The following ST7 variants were observed in gnomAD, a reference collection of about 807,000 sequenced individuals.
ST7 encodes the protein suppression of tumorigenicity 7.
A neutral mutation model predicts 78.7 loss-of-function variants in ST7; 28 were observed. That is an observed-to-expected ratio of 0.36 (90% CI 0.26 to 0.49). The LOEUF is 0.49. Among genes scored for constraint, ST7 ranks in the 20% least tolerant of loss-of-function variants. ST7 has a pLI of 0.99. For missense variants in ST7, 418 were observed against 696.0 expected, an observed-to-expected ratio of 0.60 and a Z score of 4.49; for synonymous variants, 247 against 249.6, an observed-to-expected ratio of 0.99 and a Z score of 0.10.
chr7:117,123,883 T>G (rs964634496), intron 3 of ST7, among the ~76,000 whole-genome samples: 7 of 152,128 alleles, frequency 4.6e-5, no homozygotes, highest in African/African-American at 1.7e-4. Flanking sequence ...AAGTTTAAAT[T>G]CTCTGAGATA....
chr7:117,197,863 C>T (rs1442820156), intron 12 of ST7, among the ~76,000 whole-genome samples: 2 of 152,102 alleles, frequency 1.3e-5, no homozygotes, highest in African/African-American at 2.4e-5. Flanking sequence ...GCAGGAAGAT[C>T]GCTTGAGTCT....
At chr7:117,130,699 C>A in intron 5 of ST7, 93 bp downstream of exon 5, 1 of 801,678 alleles carries the variant, frequency 1.2e-6, no homozygotes, top group Non-Finnish European at 2.0e-6. Flanking sequence ...TGTAAAACTC[C>A]AATGAATAAA....
chr7:117,209,790 C>T lies in ST7; in HGVS notation c.1258C>T (p.Leu420=). ...VEFNPHVPKY[L]LEMKSLILPP... ...GTGTCCTGCTTTTTTATTTCAGTAC[C>T]TACTAGAAATGAAAAGCTTAATCCT... Residue 420 remains leucine (L), a synonymous_variant, in exon 13 of 16, where the codon CTA becomes TTA. Transcript: ENST00000323984. The T allele has an allele frequency of 3.1e-6, 5 of 1,612,948 alleles. No homozygotes were observed. Among genetic ancestry groups the T allele is most frequent in the Non-Finnish European group, 4.2e-6 (5 of 1,179,666 alleles).
chr7:117,068,736 T>C (rs1798766892), intron 1 of ST7, among the ~76,000 whole-genome samples: 1 of 152,248 alleles, frequency 6.6e-6, no homozygotes, highest in Non-Finnish European at 1.5e-5. Context: ...ATTCAAATGA[T>C]TGTAATTGCT....
chr7:117,223,272 T>C (rs1793228839), intron 15 of ST7: 1 of 387,566 alleles, frequency 2.6e-6, no homozygotes, highest in African/African-American at 2.0e-5. Context: ...TAGTCTTAAC[T>C]GGTCTCCTTG....
chr7:117,194,314 T>G (rs967996895), intron 12 of ST7, among the ~76,000 whole-genome samples: 6 of 152,204 alleles, frequency 3.9e-5, no homozygotes, highest in Non-Finnish European at 8.8e-5. Context: ...AACTTGTTTT[T>G]CATTTTTTCC....
chr7:117,055,884 C>T (rs372309744), intron 1 of ST7, among the ~76,000 whole-genome samples: 45 of 152,286 alleles, frequency 3.0e-4, no homozygotes, highest in African/African-American at 6.5e-4. Flanking sequence ...TTAACTTACA[C>T]GATCACAAGG....
chr7:117,198,852 G>A (rs915088987), intron 12 of ST7, among the ~76,000 whole-genome samples: 1 of 151,866 alleles, frequency 6.6e-6, no homozygotes, highest in Non-Finnish European at 1.5e-5. Flanking sequence ...GGAGGCTGAG[G>A]CCACCCCTGT....
chr7:117,025,456 T>A (rs1040206488), intron 1 of ST7, among the ~76,000 whole-genome samples: 9 of 152,224 alleles, frequency 5.9e-5, no homozygotes, highest in African/African-American at 2.2e-4. Flanking sequence ...ATTAATAACA[T>A]TAATCTGGTT....
At chr7:117,107,107 G>T (rs972931343) in intron 2 of ST7, among the ~76,000 whole-genome samples, 3 of 151,908 alleles carry the variant, frequency 2.0e-5, no homozygotes, top group Admixed American at 6.5e-5. Context: ...TGGTGTGTGT[G>T]TATGTGTATA....
chr7:117,203,524 C>T (rs1045510899), intron 12 of ST7, among the ~76,000 whole-genome samples: 3 of 152,100 alleles, frequency 2.0e-5, no homozygotes, highest in South Asian at 2.1e-4. Flanking sequence ...ATACTTTGCC[C>T]GTTAATGCTG....
chr7:117,091,594 G>C (rs921624076), intron 1 of ST7, among the ~76,000 whole-genome samples: 1 of 152,140 alleles, frequency 6.6e-6, no homozygotes, highest in African/African-American at 2.4e-5. Context: ...GGAAAGAAAC[G>C]CTCGGGGCAC....
chr7:117,070,787 C>G (rs1210454605), intron 1 of ST7, among the ~76,000 whole-genome samples: 1 of 152,156 alleles, frequency 6.6e-6, no homozygotes, highest in East Asian at 1.9e-4. Flanking sequence ...TTGTGATCCG[C>G]CCGCCTCGGC....
At chr7:117,132,386 A>G (rs1804434587) in intron 6 of ST7, among the ~76,000 whole-genome samples, 1 of 151,900 alleles carries the variant, frequency 6.6e-6, no homozygotes, top group Non-Finnish European at 1.5e-5. Flanking sequence ...TTTAGAAAAT[A>G]CTTCAAGATT....
intron 1 of ST7, chr7:116,958,642 A>G (rs1245011668): frequency 2.1e-6 from 1 of 471,220 alleles, no homozygotes; most frequent in Admixed American, 2.3e-5. Context: ...AGACAGGCTT[A>G]CCTTGGAGAT....
At chr7:117,153,033 A>G (rs181656444) in intron 9 of ST7, among the ~76,000 whole-genome samples, 104 of 152,262 alleles carry the variant, frequency 6.8e-4, no homozygotes, top group African/African-American at 2.1e-3. Flanking sequence ...TGTGGGTTCA[A>G]TTTGTGAGAT....
chr7:117,008,138 A>G (rs1345474077), intron 1 of ST7, among the ~76,000 whole-genome samples: 1 of 152,240 alleles, frequency 6.6e-6, no homozygotes, highest in Non-Finnish European at 1.5e-5. Flanking sequence ...GAACTTTAAT[A>G]GAAATCTGCC....
In ST7 at chr7:117,097,898, A is replaced by T. The variant is rs1563078822; in HGVS notation, c.152-1864A>T. 6.6e-4 allele frequency among the ~76,000 whole-genome samples: 17 copies of T among 25,918 alleles called. 2 individuals carry two copies. The South Asian group carries it at 0.017, about 26-fold the overall frequency. 17.0% of individuals were successfully genotyped at this position (25,918 alleles called of 152,430 possible). Reference sequence around the variant, plus strand: ...CATATCACTATATATATATATATATATATATATATATTTTTTTTTTTTTTT... The same window carrying T: ...CATATCACTATATATATATATATATTTATATATATATTTTTTTTTTTTTTT... On this transcript the variant is annotated intron_variant, in intron 1 of 15. Coordinates refer to ENST00000323984, the MANE Select transcript of ST7 (RefSeq NM_001369598.1).
At chr7:117,060,173 T>C (rs905548924) in intron 1 of ST7, among the ~76,000 whole-genome samples, 5 of 152,116 alleles carry the variant, frequency 3.3e-5, no homozygotes, top group Admixed American at 2.6e-4. Flanking sequence ...TGGGAAAGTC[T>C]GGGGGTACCT....
Sources: allele counts gnomAD v4.1 joint callset (sites outside exome capture counted in the v4.1 genomes callset), GRCh38; gene constraint gnomAD v4.1.1; transcripts MANE v1.5; gene names NCBI Gene and HGNC (gene_info 2026-07-23, HGNC 2026-07-21).